Variants in SRD5A2 observed in about 807,000 individuals in gnomAD.
SRD5A2 encodes steroid 5 alpha-reductase 2.
In SRD5A2, 30 loss-of-function variants were observed where a neutral mutation model predicts 27.4. The observed-to-expected ratio is 1.10, with a 90% CI of 0.82 to 1.49. The LOEUF is 1.49. Ranked by LOEUF, SRD5A2 falls within the 40% of genes most tolerant of loss-of-function variation. The pLI, the probability that SRD5A2 is intolerant of heterozygous loss-of-function variation, is 0.00. For missense variants in SRD5A2, 348 were observed against 323.4 expected (o/e 1.08, Z -0.58); for synonymous variants, 141 against 133.6 (o/e 1.06, Z -0.38).
At chr2:31,613,927 C>A in the SRD5A2 span, among the ~76,000 whole-genome samples, 1 of 152,080 alleles carries the variant, frequency 6.6e-6, no homozygotes, top group Non-Finnish European at 1.5e-5. Flanking sequence ...ATAGGGAAAA[C>A]CACTCCCATG....
the SRD5A2 span, among the ~76,000 whole-genome samples, chr2:31,612,777 C>T: frequency 6.6e-6 from 1 of 152,110 alleles, no homozygotes; most frequent in Non-Finnish European, 1.5e-5. Context: ...TATTACAAAC[C>T]TACTGTAATC....
chr2:31,541,533 G>GGA (rs1666128602), intron 1 of SRD5A2, among the ~76,000 whole-genome samples: 4 of 152,212 alleles, frequency 2.6e-5, no homozygotes, highest in African/African-American at 7.2e-5. Context: ...TGGCCAAACT[G>GGA]AACCTTGCAA....
chr2:31,562,242 TTA>T (rs1245884120), intron 1 of SRD5A2, among the ~76,000 whole-genome samples: 1 of 152,284 alleles, frequency 6.6e-6, no homozygotes, highest in East Asian at 1.9e-4. Flanking sequence ...TAAAAAATTT[TTA>T]TGTTTAATAT....
chr2:31,549,375 G>C (rs1666338132), intron 1 of SRD5A2, among the ~76,000 whole-genome samples: 1 of 151,862 alleles, frequency 6.6e-6, no homozygotes. Flanking sequence ...GCCTTCCAAA[G>C]TGCTGGGATT....
At chr2:31,604,410 T>A in the SRD5A2 span, among the ~76,000 whole-genome samples, 1 of 151,930 alleles carries the variant, frequency 6.6e-6, no homozygotes, top group Non-Finnish European at 1.5e-5. Flanking sequence ...TTTACAAAAA[T>A]TATTAGATAC....
intron 1 of SRD5A2, among the ~76,000 whole-genome samples, chr2:31,536,737 C>T (rs1011575271): frequency 9.9e-5 from 15 of 152,238 alleles, no homozygotes; most frequent in Admixed American, 8.5e-4. Context: ...ATGACAGAAG[C>T]GGGAGAGAGT....
the SRD5A2 span, among the ~76,000 whole-genome samples, chr2:31,626,553 GT>G: frequency 6.6e-6 from 1 of 152,150 alleles, no homozygotes; most frequent in Non-Finnish European, 1.5e-5. Flanking sequence ...ATTATTGAGA[GT>G]TTTTAGCATG....
chr2:31,569,839 A>G (rs995545933), intron 1 of SRD5A2, among the ~76,000 whole-genome samples: 7 of 152,266 alleles, frequency 4.6e-5, no homozygotes, highest in Admixed American at 4.6e-4. Flanking sequence ...TTAGGCAAAA[A>G]TTTTTTAGAT....
At chr2:31,564,865 A>G (rs1558371140) in intron 1 of SRD5A2, among the ~76,000 whole-genome samples, 1 of 152,030 alleles carries the variant, frequency 6.6e-6, no homozygotes, top group Non-Finnish European at 1.5e-5. Context: ...GTAAAAGGAA[A>G]AAATGATACC....
chr2:31,608,514 AT>A, the SRD5A2 span, among the ~76,000 whole-genome samples: 1 of 151,984 alleles, frequency 6.6e-6, no homozygotes, highest in African/African-American at 2.4e-5. Context: ...TGGCATGATT[AT>A]GATCTTGTTT....
chr2:31,580,194 G>A (rs1667041960), intron 1 of SRD5A2, among the ~76,000 whole-genome samples: 1 of 152,202 alleles, frequency 6.6e-6, no homozygotes, highest in African/African-American at 2.4e-5. Flanking sequence ...TCCCCACCCT[G>A]CAAGGAAAAG....
the SRD5A2 span, among the ~76,000 whole-genome samples, chr2:31,629,277 G>A: frequency 1.3e-5 from 2 of 152,116 alleles, no homozygotes; most frequent in Non-Finnish European, 2.9e-5. Context: ...TGGAATCCAT[G>A]AGGCCAAGAA....
At chr2:31,541,292 G>T (rs185182721) in intron 1 of SRD5A2, among the ~76,000 whole-genome samples, 1 of 151,402 alleles carries the variant, frequency 6.6e-6, no homozygotes, top group Non-Finnish European at 1.5e-5. Context: ...AAAAAGAAGA[G>T]TCTGCATCCC....
chr2:31,526,104 C>CATATATATA lies in SRD5A2; in HGVS notation c.*91_*92insTATATATAT, dbSNP rs1491224935. The CATATATATA allele has an allele frequency of 1.3e-6, 1 of 781,476 alleles. No individual in the cohort carries two copies. Among genetic ancestry groups the CATATATATA allele is most frequent in the African/African-American group, 1.9e-5 (1 of 51,302 alleles). The allele number at this position is 781,476 out of a possible 1,614,324, so 48.4% of individuals were successfully genotyped here. The stretch of plus-strand genomic sequence containing the variant: ...CAGGAGACCTACTATTACATATATA[C>CATATATATA]GGGACTATTATATCATGAAAATTAC... On this transcript the variant is annotated 3_prime_UTR_variant, in exon 5 of 5. Coordinates refer to ENST00000622030, the MANE Select transcript of SRD5A2 (RefSeq NM_000348.4).
chr2:31,624,544 T>A, the SRD5A2 span, among the ~76,000 whole-genome samples: 1 of 152,046 alleles, frequency 6.6e-6, no homozygotes, highest in Non-Finnish European at 1.5e-5. Flanking sequence ...TCTGTGATGT[T>A]CCCCACCCTG....
In SRD5A2 at chr2:31,525,867, T is replaced by A; in HGVS notation, c.*329A>T. 1 of 281,768 alleles carries A rather than the reference T, an allele frequency of 3.5e-6. No homozygotes were observed. Among genetic ancestry groups the A allele is most frequent in the East Asian group, 4.9e-5 (1 of 20,252 alleles). 17.5% of individuals were successfully genotyped at this position (281,768 alleles called of 1,614,324 possible). ...AGAGTTGTCCTGCATTGACAGGGAGTGGGTATGAAGCCACATGTACTTGGA... is the reference window on the plus strand; with the variant it reads ...AGAGTTGTCCTGCATTGACAGGGAGAGGGTATGAAGCCACATGTACTTGGA... On this transcript the variant is annotated 3_prime_UTR_variant, in exon 5 of 5. Transcript: ENST00000622030.
chr2:31,535,174 A>G (rs1193974227), intron 1 of SRD5A2, among the ~76,000 whole-genome samples: 1 of 152,124 alleles, frequency 6.6e-6, no homozygotes, highest in Non-Finnish European at 1.5e-5. Flanking sequence ...GGCACCTGCC[A>G]CCATGCCCAG....
At chr2:31,596,975 C>T in the SRD5A2 span, among the ~76,000 whole-genome samples, 1 of 151,934 alleles carries the variant, frequency 6.6e-6, no homozygotes, top group African/African-American at 2.4e-5. Context: ...ATCATTTTTT[C>T]ACAGAATTTT....
chr2:31,575,165 T>C (rs1423296632), intron 1 of SRD5A2, among the ~76,000 whole-genome samples: 1 of 152,198 alleles, frequency 6.6e-6, no homozygotes, highest in Non-Finnish European at 1.5e-5. Context: ...GTCTATTGTT[T>C]CCAAAGTAGC....
Sources: gnomAD v4.1 joint callset for allele counts (sites outside exome capture counted in the v4.1 genomes callset) on GRCh38, gnomAD v4.1.1 for gene constraint, MANE v1.5 for transcripts, NCBI Gene and HGNC (gene_info 2026-07-23, HGNC 2026-07-21) for gene names.